CSMD1: variants seen among roughly 807,000 people sequenced by gnomAD.
CSMD1 encodes the protein CUB and sushi domain-containing protein 1.
A neutral mutation model predicts 417.5 loss-of-function variants in CSMD1; 213 were observed. The observed-to-expected ratio is 0.51, with a 90% confidence interval of 0.46 to 0.57. The LOEUF is 0.57. Ranked by LOEUF, CSMD1 falls within the 20% of genes least tolerant of loss-of-function variation. CSMD1 has a pLI of 0.00. For synonymous variants in CSMD1, 2,862 were observed against 1,736.8 expected, an observed-to-expected ratio of 1.65 and a Z score of -16.11; for missense variants, 6,923 against 4,529.7, an observed-to-expected ratio of 1.53 and a Z score of -15.17.
intron 3 of CSMD1, among the ~76,000 whole-genome samples, chr8:4,354,934 G>A (rs973263424): frequency 6.9e-6 from 1 of 145,604 alleles, no homozygotes; most frequent in Non-Finnish European, 1.5e-5. Flanking sequence ...TTTTCAGGTT[G>A]AAAGAAACCA....
chr8:4,274,643 G>C (rs577604928), intron 3 of CSMD1, among the ~76,000 whole-genome samples: 1 of 151,958 alleles, frequency 6.6e-6, no homozygotes, highest in Non-Finnish European at 1.5e-5. Flanking sequence ...AAAATCTATA[G>C]GTCTCCATTA....
At chr8:4,741,870 G>C (rs1205701154) in intron 1 of CSMD1, among the ~76,000 whole-genome samples, 1 of 151,960 alleles carries the variant, frequency 6.6e-6, no homozygotes, top group Non-Finnish European at 1.5e-5. Context: ...ATCTCACTCT[G>C]TCACCCAGGC....
At chr8:4,812,531 T>C (rs1025693236) in intron 1 of CSMD1, among the ~76,000 whole-genome samples, 2 of 152,178 alleles carry the variant, frequency 1.3e-5, no homozygotes, top group African/African-American at 4.8e-5. Flanking sequence ...CATTCTATGT[T>C]TGCAACAAAA....
chr8:4,174,262 C>G (rs1797919890), intron 3 of CSMD1, among the ~76,000 whole-genome samples: 1 of 152,154 alleles, frequency 6.6e-6, no homozygotes, highest in South Asian at 2.1e-4. Context: ...AATGAATCTT[C>G]AGCAAGAATA....
At chr8:3,468,582 C>G (rs534602710) in intron 12 of CSMD1, 130 bp downstream of exon 12, 2 of 593,584 alleles carry the variant, frequency 3.4e-6, no homozygotes, top group Non-Finnish European at 6.0e-6. Flanking sequence ...TAAGGAAGTT[C>G]CCGTCATGAT....
chr8:3,257,554 C>T (rs1800748321), intron 26 of CSMD1, among the ~76,000 whole-genome samples: 1 of 152,090 alleles, frequency 6.6e-6, no homozygotes, highest in Admixed American at 6.6e-5. Flanking sequence ...TGCTGGGGGG[C>T]AGTTGGTGGT....
chr8:4,047,056 T>C (rs1189709419), intron 3 of CSMD1, among the ~76,000 whole-genome samples: 3 of 152,162 alleles, frequency 2.0e-5, no homozygotes, highest in Admixed American at 6.5e-5. Context: ...TCCAAATGAA[T>C]ACAGAATTAA....
chr8:4,363,163 C>G (rs1264791337), intron 3 of CSMD1, among the ~76,000 whole-genome samples: 1 of 152,138 alleles, frequency 6.6e-6, no homozygotes, highest in Non-Finnish European at 1.5e-5. Context: ...TTCAAACATA[C>G]CTAAACAGGC....
At chr8:4,146,564 T>G (rs1015457799) in intron 3 of CSMD1, among the ~76,000 whole-genome samples, 2 of 147,128 alleles carry the variant, frequency 1.4e-5, no homozygotes, top group Non-Finnish European at 3.0e-5. Flanking sequence ...GAAGCTCCAT[T>G]ATTATCTGTC....
intron 3 of CSMD1, among the ~76,000 whole-genome samples, chr8:4,342,172 T>G (rs1800513506): frequency 6.6e-6 from 1 of 151,892 alleles, no homozygotes; most frequent in African/African-American, 2.4e-5. Flanking sequence ...ACATTCTTAC[T>G]TCCCTTATGC....
intron 2 of CSMD1, among the ~76,000 whole-genome samples, chr8:4,470,847 AT>A (rs538744340): frequency 2.0e-5 from 3 of 151,932 alleles, no homozygotes; most frequent in Non-Finnish European, 2.9e-5. Flanking sequence ...GGCTTCTTTG[AT>A]TTTTTTTGAG....
intron 15 of CSMD1, among the ~76,000 whole-genome samples, chr8:3,404,918 C>T (rs1414701487): frequency 6.6e-6 from 1 of 152,010 alleles, no homozygotes; most frequent in Non-Finnish European, 1.5e-5. Flanking sequence ...CTCTTCACTG[C>T]TATAAATAGT....
chr8:3,439,968 C>T (rs1372273534), intron 12 of CSMD1, among the ~76,000 whole-genome samples: 2 of 152,180 alleles, frequency 1.3e-5, no homozygotes, highest in Non-Finnish European at 2.9e-5. Flanking sequence ...AGGGCATCTT[C>T]TGTGGGTTTA....
intron 3 of CSMD1, among the ~76,000 whole-genome samples, chr8:4,348,265 G>A: frequency 6.6e-6 from 1 of 152,032 alleles, no homozygotes; most frequent in South Asian, 2.1e-4. Context: ...CATGTCTAAG[G>A]GGAAGGTAGA....
intron 1 of CSMD1, among the ~76,000 whole-genome samples, 162 bp from the exon 2 acceptor site, chr8:4,637,720 G>A (rs889090149): frequency 7.6e-6 from 1 of 132,202 alleles, no homozygotes; most frequent in Non-Finnish European, 1.5e-5. Context: ...CCGGACTGCG[G>A]ACTGCAGTGG....
chr8:4,020,202 A>G (rs987753983), intron 4 of CSMD1, among the ~76,000 whole-genome samples: 1 of 152,206 alleles, frequency 6.6e-6, no homozygotes, highest in Admixed American at 6.5e-5. Flanking sequence ...ACACATAAAA[A>G]TCTTGAGGCC....
chr8:3,508,323 C>G (rs1257928157), intron 10 of CSMD1, among the ~76,000 whole-genome samples: 1 of 140,498 alleles, frequency 7.1e-6, no homozygotes, highest in African/African-American at 2.7e-5. Flanking sequence ...CACTTGGACA[C>G]AGGAAGGGGA....
intron 26 of CSMD1, among the ~76,000 whole-genome samples, chr8:3,250,152 C>T (rs912039348): frequency 6.6e-5 from 10 of 152,188 alleles, no homozygotes; most frequent in Admixed American, 2.0e-4. Flanking sequence ...TGGTGTGGTA[C>T]ACCCATTAAG....
chr8:3,407,239 G>A (rs1349741556), intron 14 of CSMD1, among the ~76,000 whole-genome samples: 2 of 151,890 alleles, frequency 1.3e-5, no homozygotes, highest in Non-Finnish European at 2.9e-5. Flanking sequence ...CAAAACGATG[G>A]AAGGGAAGGA....
Sources: allele counts gnomAD v4.1 joint callset (sites outside exome capture counted in the v4.1 genomes callset), GRCh38; gene constraint gnomAD v4.1.1; transcripts MANE v1.5; gene names NCBI Gene and HGNC (gene_info 2026-07-23, HGNC 2026-07-21).